The following PLXDC1 variants were observed in gnomAD, a reference collection of about 807,000 sequenced individuals.
PLXDC1 encodes plexin domain-containing protein 1.
Under a neutral mutation model 61.3 loss-of-function variants are expected in PLXDC1, and 39 were observed. The observed-to-expected ratio is 0.64, with a 90% CI of 0.49 to 0.83. PLXDC1 has a LOEUF of 0.83. Ranked by LOEUF, PLXDC1 falls within the 40% of genes least tolerant of loss-of-function variation. PLXDC1 has a pLI of 0.00. For missense variants in PLXDC1, 596 were observed against 666.5 expected, an observed-to-expected ratio of 0.89 and a Z score of 1.17; for synonymous variants, 212 against 254.5, an observed-to-expected ratio of 0.83 and a Z score of 1.59.
In PLXDC1 at chr17:39,063,793, C is replaced by A; in HGVS notation, c.*4047G>T. On this transcript the variant is annotated 3_prime_UTR_variant, in exon 14 of 14. Transcript: ENST00000315392. ...GAGATTGGCCGCATCATATCTGTGA[C>A]ACTGACTCTTCTGGTGTAGGTTTGC... 1 of 358,484 alleles carries A rather than the reference C, an allele frequency of 2.8e-6. No homozygotes were observed. The highest frequency in any genetic ancestry group is 5.1e-6 in the Non-Finnish European group (1 of 195,096). The allele number at this position is 358,484 out of a possible 1,614,324, so 22.2% of individuals were successfully genotyped here.
chr17:39,079,239 G>GCAGAGAGCTGTTA, intron 9 of PLXDC1, 75 bp from the exon 10 acceptor site: 1 of 1,277,086 alleles, frequency 7.8e-7, no homozygotes, highest in Non-Finnish European at 1.1e-6. Flanking sequence ...TTCAGTAACA[G>GCAGAGAGCTGTTA]CTCTCTGCTG....
At chr17:39,079,015 G>A in intron 10 of PLXDC1, 89 bp downstream of exon 10, 2 of 1,039,800 alleles carry the variant, frequency 1.9e-6, no homozygotes, top group Non-Finnish European at 3.0e-6. Flanking sequence ...GCCACCTTGA[G>A]AAGAGTTTCC....
chr17:39,099,438 C>T (rs892794014), intron 7 of PLXDC1, among the ~76,000 whole-genome samples: 2 of 152,048 alleles, frequency 1.3e-5, no homozygotes, highest in African/African-American at 4.8e-5. Context: ...ATCCCTGCCC[C>T]GACAGTGGGC....
chr17:39,070,183 A>G (rs1283544413), intron 12 of PLXDC1, 167 bp from the exon 13 acceptor site: 1 of 532,504 alleles, frequency 1.9e-6, no homozygotes, highest in East Asian at 2.9e-5. Context: ...CATTATGAGT[A>G]AGGCATTCAT....
intron 7 of PLXDC1, among the ~76,000 whole-genome samples, chr17:39,089,378 C>T (rs1461565429): frequency 2.6e-5 from 4 of 152,198 alleles, no homozygotes; most frequent in Admixed American, 6.5e-5. Flanking sequence ...TGAGAAGATG[C>T]AGGCTCAGAA....
At chr17:39,091,882 C>T (rs553928829) in intron 7 of PLXDC1, among the ~76,000 whole-genome samples, 1 of 149,390 alleles carries the variant, frequency 6.7e-6, no homozygotes, top group South Asian at 2.1e-4. Context: ...TTGCTTGAAC[C>T]CGGGAGGTGG....
intron 2 of PLXDC1, among the ~76,000 whole-genome samples, chr17:39,133,248 G>A (rs1052816465): frequency 2.0e-5 from 3 of 152,288 alleles, no homozygotes; most frequent in Admixed American, 1.3e-4. Flanking sequence ...GCATTCTCAG[G>A]TGAACACCAC....
rs539005665 is a variant in PLXDC1, at chr17:39,082,718, A to G, written c.989+741T>C. On this transcript the variant is annotated intron_variant, in intron 9 of 13. Transcript: ENST00000315392. The stretch of plus-strand genomic sequence containing the variant: ...ACTCTCATGAGAACTCTAGTCCCCA[A>G]GGAAATCTTTTTCTTCCCCCTCCTC... 3.3e-5 allele frequency among the ~76,000 whole-genome samples: 5 copies of G among 152,330 alleles called. No individual in the cohort carries two copies. In the South Asian group the frequency reaches 1.0e-3, roughly 32 times the overall value.
chr17:39,092,538 C>T (rs765887934), intron 7 of PLXDC1, among the ~76,000 whole-genome samples: 2 of 152,244 alleles, frequency 1.3e-5, no homozygotes, highest in East Asian at 1.9e-4. Context: ...GAGTGCAGAG[C>T]ACTCTGTTAG....
chr17:39,079,012 T>G, intron 10 of PLXDC1, 92 bp downstream of exon 10: 117 of 1,012,182 alleles, frequency 1.2e-4, no homozygotes, highest in Non-Finnish European at 1.7e-4. Context: ...AATGCCACCT[T>G]GAGAAGAGTT....
chr17:39,133,438 G>A (rs933685392), intron 2 of PLXDC1, among the ~76,000 whole-genome samples: 7 of 152,156 alleles, frequency 4.6e-5, no homozygotes, highest in African/African-American at 1.7e-4. Context: ...CTCACACCAG[G>A]GACAATCACA....
intron 2 of PLXDC1, among the ~76,000 whole-genome samples, chr17:39,129,391 G>C (rs1231576733): frequency 2.0e-5 from 3 of 151,308 alleles, no homozygotes; most frequent in Non-Finnish European, 4.4e-5. Flanking sequence ...GGCTGAGGTG[G>C]GTGGATCACG....
At chr17:39,100,166 G>A (rs970870680) in intron 7 of PLXDC1, among the ~76,000 whole-genome samples, 3 of 152,112 alleles carry the variant, frequency 2.0e-5, no homozygotes, top group African/African-American at 7.2e-5. Flanking sequence ...CCACATGAAA[G>A]CTCTGAAGCC....
chr17:39,095,577 A>AG (rs1910157456), intron 7 of PLXDC1, among the ~76,000 whole-genome samples: 1 of 151,836 alleles, frequency 6.6e-6, no homozygotes, highest in South Asian at 2.1e-4. Flanking sequence ...AGAAATACTC[A>AG]GGTCCAGACT....
At chr17:39,130,763 C>T (rs562614937) in intron 2 of PLXDC1, among the ~76,000 whole-genome samples, 18 of 152,020 alleles carry the variant, frequency 1.2e-4, no homozygotes, top group African/African-American at 2.2e-4. Flanking sequence ...GGTTTCACCA[C>T]GTTGGCCGGG....
chr17:39,133,281 G>A (rs973016111), intron 2 of PLXDC1, among the ~76,000 whole-genome samples: 3 of 152,114 alleles, frequency 2.0e-5, no homozygotes, highest in South Asian at 2.1e-4. Flanking sequence ...CTAACAGGAC[G>A]AGGGCAGGGT....
At chr17:39,132,965 C>G (rs1911614166) in intron 2 of PLXDC1, among the ~76,000 whole-genome samples, 1 of 152,066 alleles carries the variant, frequency 6.6e-6, no homozygotes, top group Non-Finnish European at 1.5e-5. Context: ...TGTTGAAACC[C>G]AAGAAAACTC....
At chr17:39,152,439 A>AT, upstream of PLXDC1, 3 of 1,025,738 alleles carry the variant, frequency 2.9e-6, no homozygotes, top group African/African-American at 1.7e-5. Context: ...TAATCTTTTT[A>AT]TTTTTTCTTC....
At chr17:39,126,460 T>A (rs565550001) in intron 2 of PLXDC1, among the ~76,000 whole-genome samples, 1 of 152,094 alleles carries the variant, frequency 6.6e-6, no homozygotes, top group Admixed American at 6.5e-5. Flanking sequence ...CTAAATAAAG[T>A]CAAACTACTA....
Sources: allele counts gnomAD v4.1 joint callset (sites outside exome capture counted in the v4.1 genomes callset), GRCh38; gene constraint gnomAD v4.1.1; transcripts MANE v1.5; gene names NCBI Gene and HGNC (gene_info 2026-07-23, HGNC 2026-07-21).